KSR2: variants seen among roughly 807,000 people sequenced by gnomAD.
KSR2 encodes kinase suppressor of ras 2.
In KSR2, 25 loss-of-function variants were observed where a neutral mutation model predicts 107.8. That is an observed-to-expected ratio of 0.23 (90% confidence interval 0.17 to 0.32). The LOEUF (loss-of-function observed/expected upper bound fraction) is 0.32. Ranked by LOEUF, KSR2 falls within the 10% of genes least tolerant of loss-of-function variation. The pLI is 1.00. For missense variants in KSR2, 887 were observed against 1,268.9 expected, an observed-to-expected ratio of 0.70 and a Z score of 4.57; for synonymous variants, 480 against 507.0, an observed-to-expected ratio of 0.95 and a Z score of 0.71.
At chr12:117,586,521 A>G (rs1565913547) in intron 5 of KSR2, among the ~76,000 whole-genome samples, 1 of 150,088 alleles carries the variant, frequency 6.7e-6, no homozygotes, top group Non-Finnish European at 1.5e-5. Context: ...TGGGAGGCAG[A>G]GGTTGCAGTG....
chr12:117,726,892 C>G (rs566881328), intron 4 of KSR2, among the ~76,000 whole-genome samples: 17 of 152,136 alleles, frequency 1.1e-4, no homozygotes, highest in Non-Finnish European at 2.2e-4. Flanking sequence ...GATTTACTCT[C>G]AATAACCTCA....
intron 3 of KSR2, among the ~76,000 whole-genome samples, chr12:117,829,994 G>T (rs1345937450): frequency 6.6e-6 from 1 of 152,198 alleles, no homozygotes; most frequent in Non-Finnish European, 1.5e-5. Flanking sequence ...TAAGTAGAGT[G>T]CAGTGGCTCA....
chr12:117,599,064 A>G (rs1424270666), intron 5 of KSR2, among the ~76,000 whole-genome samples: 2 of 152,210 alleles, frequency 1.3e-5, no homozygotes, highest in African/African-American at 4.8e-5. Context: ...CAGTGTTTTA[A>G]TTTACCTAGA....
intron 1 of KSR2, among the ~76,000 whole-genome samples, chr12:117,949,396 T>A (rs1896293948): frequency 6.6e-6 from 1 of 152,006 alleles, no homozygotes; most frequent in Admixed American, 6.6e-5. Flanking sequence ...CATAAATAAC[T>A]CTTGACGTTC....
intron 3 of KSR2, among the ~76,000 whole-genome samples, chr12:117,825,769 G>C (rs1288931245): frequency 2.0e-5 from 3 of 152,142 alleles, no homozygotes; most frequent in African/African-American, 7.2e-5. Flanking sequence ...CTGGGATATA[G>C]AAGGGGCTCA....
At chr12:117,582,154 G>A in intron 6 of KSR2, 136 bp downstream of exon 6, 1 of 671,584 alleles carries the variant, frequency 1.5e-6, no homozygotes, top group South Asian at 1.9e-5. Flanking sequence ...TAGCCGAGCA[G>A]AGGAGAAAGG....
chr12:117,721,223 G>A (rs35582628), intron 4 of KSR2, among the ~76,000 whole-genome samples: 18,601 of 151,996 alleles, frequency 0.12, 1,174 homozygotes, highest in African/African-American at 0.13. Context: ...AGAAATAGTC[G>A]GAGAAGCATG....
chr12:117,567,172 G>C (rs1038153946), intron 7 of KSR2, among the ~76,000 whole-genome samples: 2 of 152,236 alleles, frequency 1.3e-5, no homozygotes, highest in Non-Finnish European at 2.9e-5. Flanking sequence ...TGGTGTGACA[G>C]AAAAGGGCAG....
chr12:117,821,693 T>C (rs530520923), intron 3 of KSR2, among the ~76,000 whole-genome samples: 1 of 152,332 alleles, frequency 6.6e-6, no homozygotes, highest in South Asian at 2.1e-4. Flanking sequence ...ATAATATCTT[T>C]ATGAGATCTA....
intron 1 of KSR2, among the ~76,000 whole-genome samples, chr12:117,936,834 T>TG (rs1211155145): frequency 6.6e-6 from 1 of 152,148 alleles, no homozygotes; most frequent in Admixed American, 6.5e-5. Flanking sequence ...GCACGGCACA[T>TG]GGCAGGTGCC....
At chr12:117,847,198 GTTA>G (rs1167991417) in intron 3 of KSR2, among the ~76,000 whole-genome samples, 21 of 152,188 alleles carry the variant, frequency 1.4e-4, no homozygotes, top group Admixed American at 1.4e-3. Flanking sequence ...CCTTTCCCAA[GTTA>G]GAAGCAAGTA....
chr12:117,864,196 G>C (rs1217515256), intron 1 of KSR2, among the ~76,000 whole-genome samples: 1 of 152,086 alleles, frequency 6.6e-6, no homozygotes, highest in South Asian at 2.1e-4. Context: ...AACCATCCAA[G>C]AAGAGCATCC....
In KSR2 at chr12:117,924,620, C is replaced by T. The variant is rs114597663; in HGVS notation, c.180+43456G>A. Among the ~76,000 whole-genome samples, 542 of 139,202 alleles carry T rather than the reference C, an allele frequency of 3.9e-3. 2 individuals are homozygous for T. Among genetic ancestry groups the T allele is most frequent in the African/African-American group, 0.014 (513 of 37,370 alleles). 91.3% of individuals were successfully genotyped at this position (139,202 alleles called of 152,430 possible). A position where few individuals can be genotyped will look rare whatever the true frequency, so the allele number is the denominator to read the frequency against. ...AAGAAAGAAAGAAAAGAAAGAAATA[C>T]GGGCATGAAGGAAGAAGTTAAACTA... is the stretch of plus-strand genomic sequence containing the variant. On this transcript the variant is annotated intron_variant, in intron 1 of 19. Transcript: ENST00000339824.
intron 1 of KSR2, among the ~76,000 whole-genome samples, chr12:117,966,320 T>C (rs958135039): frequency 2.0e-5 from 3 of 152,112 alleles, no homozygotes; most frequent in Non-Finnish European, 2.9e-5. Flanking sequence ...TTGGGGTTAT[T>C]TATTGACTGC....
chr12:117,518,258 T>TG (rs924900558), intron 14 of KSR2, among the ~76,000 whole-genome samples: 2 of 152,120 alleles, frequency 1.3e-5, no homozygotes, highest in Admixed American at 6.5e-5. Flanking sequence ...AAAATCATCC[T>TG]GGGGGGCATG....
chr12:117,933,830 G>A lies in KSR2; in HGVS notation c.180+34246C>T, dbSNP rs554625568. Among the ~76,000 whole-genome samples the A allele has an allele frequency of 1.6e-3, 251 of 152,122 alleles. 1 individual carries two copies. The highest frequency in any genetic ancestry group is 1.3e-3 in the Non-Finnish European group (89 of 67,988). On this transcript the variant is annotated intron_variant, in intron 1 of 19. Transcript: ENST00000339824. ...GTAAAGTTATGTAACTTGCCCAAGC[G>A]ACACACAGCAAGAGGGTGGCAGAGC... is the stretch of plus-strand genomic sequence containing the variant.
rs939429254 is a variant in KSR2, at chr12:117,930,311, G to A, written c.180+37765C>T. On this transcript the variant is annotated intron_variant, in intron 1 of 19. Coordinates refer to ENST00000339824, the MANE Select transcript of KSR2 (RefSeq NM_173598.6). ...AGCCACCCAAAGCGCTGGGATTACAGGCATGAGCCACCGCACCCAGCCAAA... is the reference window on the plus strand; with the variant it reads ...AGCCACCCAAAGCGCTGGGATTACAAGCATGAGCCACCGCACCCAGCCAAA... 2.0e-5 allele frequency among the ~76,000 whole-genome samples: 3 copies of A among 152,272 alleles called. No homozygotes were observed. In the South Asian group the frequency reaches 6.2e-4, roughly 32 times the overall value.
At chr12:117,789,132 A>G (rs1383102954) in intron 3 of KSR2, among the ~76,000 whole-genome samples, 1 of 152,110 alleles carries the variant, frequency 6.6e-6, no homozygotes, top group Non-Finnish European at 1.5e-5. Context: ...GGTTTGAAAA[A>G]CTTGAAGTTG....
intron 3 of KSR2, among the ~76,000 whole-genome samples, chr12:117,764,714 G>A (rs1889165056): frequency 6.6e-6 from 1 of 152,124 alleles, no homozygotes. Flanking sequence ...GTCAACGCTG[G>A]AGTCGGATGA....
Sources: gnomAD v4.1 joint callset for allele counts (sites outside exome capture counted in the v4.1 genomes callset) on GRCh38, gnomAD v4.1.1 for gene constraint, MANE v1.5 for transcripts, NCBI Gene and HGNC (gene_info 2026-07-23, HGNC 2026-07-21) for gene names.